C5: variants seen among roughly 807,000 people sequenced by gnomAD.
The protein encoded by C5 is complement C5.
A neutral mutation model predicts 218.8 loss-of-function variants in C5; 140 were observed. That is an observed-to-expected ratio of 0.64 (90% CI 0.56 to 0.74). C5 has a LOEUF of 0.74. Ranked by LOEUF, C5 falls within the 30% of genes least tolerant of loss-of-function variation. The pLI, the probability that C5 is intolerant of heterozygous loss-of-function variation, is 0.00. For missense variants in C5, 1,700 were observed against 1,969.6 expected (o/e 0.86, Z 2.59); for synonymous variants, 614 against 682.3 (o/e 0.90, Z 1.56).
intron 39 of C5, among the ~76,000 whole-genome samples, chr9:120,955,299 A>G (rs2046776565): frequency 6.6e-6 from 1 of 152,216 alleles, no homozygotes; most frequent in Non-Finnish European, 1.5e-5. Flanking sequence ...AATATCATAA[A>G]ATGCATCTTT....
chr9:120,989,504 T>C, intron 24 of C5, 64 bp downstream of exon 24: 2 of 1,047,948 alleles, frequency 1.9e-6, no homozygotes, highest in Non-Finnish European at 2.8e-6. Flanking sequence ...ACTTAAATAT[T>C]AGTTTAATAA....
intron 40 of C5, 64 bp from the exon 41 acceptor site, chr9:120,952,932 A>ATT: frequency 3.7e-5 from 57 of 1,558,842 alleles, no homozygotes; most frequent in Non-Finnish European, 4.5e-5. Context: ...TGATTTCTTT[A>ATT]TTTTTTTTTG....
intron 4 of C5, among the ~76,000 whole-genome samples, chr9:121,036,847 C>A (rs1035032136): frequency 6.6e-6 from 1 of 151,938 alleles, no homozygotes; most frequent in Admixed American, 6.6e-5. Context: ...TGCTTTTGCA[C>A]CTGCATTCTG....
Position 120,957,354 on chromosome 9 carries a change from T to C in C5, c.4693A>G (p.Ile1565Val), listed in dbSNP as rs375352964. 4.7e-5 allele frequency: 76 copies of C among 1,612,574 alleles called. No homozygotes were observed. The highest frequency in any genetic ancestry group is 6.2e-5 in the Non-Finnish European group (73 of 1,178,964). ...ACATTTTCTACAGTGATGGATGTGA[T>C]GCTAACTTTATAAGCTGGCAAAAGA... ...PEIAYAYKVSITSITVENVFV... is the reference protein window; with the variant it reads ...PEIAYAYKVSVTSITVENVFV... The change falls in exon 39 of 41, where the codon ATC becomes GTC. Residue 1565 changes from isoleucine to valine, a missense_variant. Transcript: ENST00000223642.
intron 3 of C5, 145 bp downstream of exon 3, chr9:121,042,859 A>G (rs552792241): frequency 3.2e-4 from 197 of 621,186 alleles, no homozygotes; most frequent in African/African-American, 3.1e-3. Flanking sequence ...ATTTGTAAGT[A>G]TAGATGTCTT....
chr9:121,006,160 AT>A, intron 19 of C5, 102 bp from the exon 20 acceptor site: 1 of 1,087,070 alleles, frequency 9.2e-7, no homozygotes, highest in East Asian at 2.5e-5. Flanking sequence ...CAAGGAAAAA[AT>A]AATATTAGAT....
chr9:120,965,110 A>T (rs144131682), intron 33 of C5, among the ~76,000 whole-genome samples: 1 of 152,326 alleles, frequency 6.6e-6, no homozygotes, highest in Non-Finnish European at 1.5e-5. Flanking sequence ...CAGCTTCATA[A>T]GGGGTAAAAT....
Position 121,027,179 on chromosome 9 carries a change from G to A in C5, c.854C>T (p.Thr285Ile), listed in dbSNP as rs1445933799. 6.3e-7 allele frequency: 1 copy of A among 1,584,390 alleles called. No individual in the cohort carries two copies. Among genetic ancestry groups the A allele is most frequent in the Non-Finnish European group, 8.6e-7 (1 of 1,156,320 alleles). The change falls in exon 8 of 41, where the codon ACA becomes ATA. Residue 285 changes from threonine to isoleucine, a missense_variant. By Grantham distance (89) the Thr-to-Ile change is moderately conservative. Transcript: ENST00000223642. ...LKDDQKEMMQ[T>I]AMQNTMLING... is the part of the protein sequence containing the mutation. The stretch of plus-strand genomic sequence containing the variant: ...TCTTACCATTGTGTTTTGCATTGCT[G>A]TTTGCATCATTTCTTTTTGATCATC...
chr9:121,021,817 A>G (rs1008308008), intron 10 of C5, 123 bp from the exon 11 acceptor site: 2 of 971,902 alleles, frequency 2.1e-6, no homozygotes, highest in East Asian at 2.6e-5. Context: ...TTTTCTGAAA[A>G]TTTTTTTTCT....
In C5 at chr9:120,989,624, A is replaced by G. The variant is rs41311881; in HGVS notation, c.3098T>C (p.Ile1033Thr). 1,427 of 1,613,500 alleles carry G rather than the reference A, an allele frequency of 8.8e-4. 9 individuals are homozygous for G. In the African/African-American group the frequency reaches 0.018, roughly 20 times the overall value. The change falls in exon 24 of 41, where the codon ATT becomes ACT. Residue 1033 changes from isoleucine to threonine, a missense_variant. Transcript: ENST00000223642. The part of the protein sequence containing the change: ...HYLETGNHWN[I>T]FHSDPLIEKQ... ...TTCAATTAATGGGTCAGAATGAAAA[A>G]TGTTCCAATGATTTCCTGTTTCCAG...
At chr9:121,025,656 C>T in intron 8 of C5, 76 bp from the exon 9 acceptor site, 5 of 1,385,050 alleles carry the variant, frequency 3.6e-6, no homozygotes, top group Non-Finnish European at 5.1e-6. Flanking sequence ...TCTGCTTTTA[C>T]TAACCTCTAA....
intron 33 of C5, among the ~76,000 whole-genome samples, chr9:120,964,864 A>G (rs2046854825): frequency 6.6e-6 from 1 of 152,348 alleles, no homozygotes; most frequent in Admixed American, 6.5e-5. Flanking sequence ...ATTTATCTTT[A>G]TAATTCCCAG....
At chr9:121,029,065 T>C (rs1276051094) in intron 7 of C5, among the ~76,000 whole-genome samples, 1 of 152,224 alleles carries the variant, frequency 6.6e-6, no homozygotes, top group African/African-American at 2.4e-5. Flanking sequence ...CACTGTTATA[T>C]GAGATCTATT....
At chr9:120,964,903 A>G (rs2046855221) in intron 33 of C5, among the ~76,000 whole-genome samples, 1 of 152,136 alleles carries the variant, frequency 6.6e-6, no homozygotes, top group African/African-American at 2.4e-5. Flanking sequence ...AGAGGCTTAG[A>G]GCTACCATTA....
At chr9:121,065,688 A>G in the C5 span, among the ~76,000 whole-genome samples, 1 of 152,146 alleles carries the variant, frequency 6.6e-6, no homozygotes, top group South Asian at 2.1e-4. Context: ...GGATTTTGCC[A>G]TGTTTTCCTA....
chr9:121,062,503 A>G, the C5 span, among the ~76,000 whole-genome samples: 1 of 152,214 alleles, frequency 6.6e-6, no homozygotes, highest in East Asian at 1.9e-4. Context: ...GAGTAAACTC[A>G]TATCTGACTT....
intron 28 of C5, among the ~76,000 whole-genome samples, chr9:120,977,266 T>C (rs565828469): frequency 6.6e-6 from 1 of 152,278 alleles, no homozygotes; most frequent in South Asian, 2.1e-4. Context: ...AAATAGTGTG[T>C]AAAATTACTT....
intron 20 of C5, among the ~76,000 whole-genome samples, chr9:121,002,888 C>T (rs1020185322): frequency 6.6e-6 from 1 of 152,120 alleles, no homozygotes; most frequent in Non-Finnish European, 1.5e-5. Flanking sequence ...TGAGGGAGGG[C>T]AATTCCACAG....
intron 20 of C5, among the ~76,000 whole-genome samples, chr9:120,998,900 C>T (rs1003376814): frequency 3.9e-5 from 6 of 152,120 alleles, no homozygotes; most frequent in African/African-American, 1.4e-4. Context: ...GCTATTCAAC[C>T]ACTAATTTTG....
Sources: gnomAD v4.1 joint callset for allele counts (sites outside exome capture counted in the v4.1 genomes callset) on GRCh38, gnomAD v4.1.1 for gene constraint, MANE v1.5 for transcripts, NCBI Gene and HGNC (gene_info 2026-07-23, HGNC 2026-07-21) for gene names.